Variants in SYCP2 observed in about 807,000 individuals in gnomAD.
The protein encoded by SYCP2 is synaptonemal complex lateral element protein.
Under a neutral mutation model 211.3 loss-of-function variants are expected in SYCP2, and 55 were observed. That is an observed-to-expected ratio of 0.26 (90% CI 0.21 to 0.33). The LOEUF (loss-of-function observed/expected upper bound fraction) is 0.33, where lower values mean the gene tolerates loss of function less well. Among genes scored for constraint, SYCP2 ranks in the 10% least tolerant of loss-of-function variants. The pLI, the probability that SYCP2 is intolerant of heterozygous loss-of-function variation, is 1.00. For synonymous variants in SYCP2, 570 were observed against 555.2 expected (o/e 1.03, Z -0.37); for missense variants, 1,731 against 1,752.0 (o/e 0.99, Z 0.21).
At chr20:59,883,198 A>T (rs1395831984) in intron 26 of SYCP2, among the ~76,000 whole-genome samples, 1 of 151,988 alleles carries the variant, frequency 6.6e-6, no homozygotes, top group Non-Finnish European at 1.5e-5. Context: ...AAAATACAAA[A>T]ATTAGCTGAG....
At chr20:59,865,751 TATTA>T (rs1350835005) in intron 42 of SYCP2, 52 bp downstream of exon 42, 7 of 1,043,256 alleles carry the variant, frequency 6.7e-6, no homozygotes, top group African/African-American at 1.7e-5. Flanking sequence ...AATAGAAATT[TATTA>T]ATTTAAAAAT....
At chr20:59,927,131 A>G (rs914309805) in intron 2 of SYCP2, among the ~76,000 whole-genome samples, 1 of 152,164 alleles carries the variant, frequency 6.6e-6, no homozygotes, top group Non-Finnish European at 1.5e-5. Flanking sequence ...GAACGTAATG[A>G]GATTTGTTGA....
At chr20:59,869,189 T>C (rs887627316) in intron 36 of SYCP2, among the ~76,000 whole-genome samples, 6 of 151,746 alleles carry the variant, frequency 4.0e-5, no homozygotes, top group Non-Finnish European at 8.9e-5. Context: ...GATTTCCATT[T>C]CTTTGAGTCA....
intron 14 of SYCP2, among the ~76,000 whole-genome samples, 172 bp from the exon 15 acceptor site, chr20:59,907,596 A>G (rs1404618497): frequency 6.6e-6 from 1 of 152,214 alleles, no homozygotes; most frequent in Non-Finnish European, 1.5e-5. Context: ...TACACATGTT[A>G]TATTTAATGT....
chr20:59,915,548 A>T lies in SYCP2; in HGVS notation c.516T>A (p.Ile172=), dbSNP rs112594027. Residue 172 remains isoleucine (I), a splice_region_variant and synonymous_variant, in exon 9 of 45, where the codon ATT becomes ATA. Transcript: ENST00000357552. ...CAAGCATAGCATTCATTTTTTTTAT[A>T]ATCTAGAAAAGAAAAAAAGATAATG... ...SRVNICIQQE[I]IKKMNAMLDK... 145 of 1,589,184 alleles carry T rather than the reference A, an allele frequency of 9.1e-5. 1 individual carries two copies. The African/African-American group carries it at 1.8e-3, about 19-fold the overall frequency.
At chr20:59,893,354 C>T (rs1267475053) in intron 21 of SYCP2, among the ~76,000 whole-genome samples, 155 bp from the exon 22 acceptor site, 1 of 151,784 alleles carries the variant, frequency 6.6e-6, no homozygotes, top group Non-Finnish European at 1.5e-5. Context: ...TTCTGGGGAA[C>T]AAAGGTGGTA....
chr20:59,866,621 C>G, intron 39 of SYCP2, 32 bp from the exon 40 acceptor site: 1 of 1,462,658 alleles, frequency 6.8e-7, no homozygotes, highest in Non-Finnish European at 9.4e-7. Flanking sequence ...GTTAAAATAT[C>G]TTTACAAAAT....
chr20:59,864,817 A>G (rs1200296771), intron 44 of SYCP2, among the ~76,000 whole-genome samples: 5 of 152,046 alleles, frequency 3.3e-5, no homozygotes, highest in African/African-American at 1.2e-4. Context: ...CTGTGTATAC[A>G]AAGATCAGTG....
At chr20:59,925,386 C>T (rs1021122443) in intron 2 of SYCP2, among the ~76,000 whole-genome samples, 12 of 151,998 alleles carry the variant, frequency 7.9e-5, no homozygotes. Context: ...TTTTCTCAAT[C>T]CATGAGCATA....
Position 59,870,096 on chromosome 20 carries a change from A to C in SYCP2, c.3556-113T>G, listed in dbSNP as rs112388865. 1,350 of 610,626 alleles carry C rather than the reference A, an allele frequency of 2.2e-3. 16 individuals carry two copies. The highest frequency in any genetic ancestry group is 0.022 in the African/African-American group (1,166 of 53,582). The allele number at this position is 610,626 out of a possible 1,614,324, so 37.8% of individuals were successfully genotyped here. A position where few individuals can be genotyped will look rare whatever the true frequency, so the allele number is the denominator to read the frequency against. ...ATTAAAGCAAAACTGCAAAACTACTAATTCACTGCAAAAATTCAATTCCAA... is the reference window on the plus strand; with the variant it reads ...ATTAAAGCAAAACTGCAAAACTACTCATTCACTGCAAAAATTCAATTCCAA... On this transcript the variant is annotated intron_variant, in intron 35 of 44. Transcript: ENST00000357552.
chr20:59,887,477 T>C lies in SYCP2; in HGVS notation c.2365-643A>G, dbSNP rs571442848. On this transcript the variant is annotated intron_variant, in intron 24 of 44. Transcript: ENST00000357552. Reference sequence around the variant, plus strand: ...GAACATACGTGTGCATGTGTCTTTATAGCAGCATTATTTATAATCCTTTGG... The same window carrying C: ...GAACATACGTGTGCATGTGTCTTTACAGCAGCATTATTTATAATCCTTTGG... Among the ~76,000 whole-genome samples, 4 of 152,310 alleles carry C rather than the reference T, an allele frequency of 2.6e-5. No homozygotes were observed. In the South Asian group the frequency reaches 8.3e-4, roughly 32 times the overall value.
In SYCP2 at chr20:59,868,875, T is replaced by G. The variant is rs565623864; in HGVS notation, c.3792A>C (p.Lys1264Asn). The G allele has an allele frequency of 3.4e-5, 54 of 1,610,244 alleles. No homozygotes were observed. The Middle Eastern group carries it at 4.3e-3, about 128-fold the overall frequency. ...CATCACAGGGCATGTCAAACCACGT[T>G]TTCTCTCTTCCTTCACTAGACTTGG... is the stretch of plus-strand genomic sequence containing the variant. ...SLSKSSEGRE[K>N]TWFDMPCDAT... Residue 1264 changes from lysine (K) to asparagine (N), a missense_variant, in exon 37 of 45, where the codon AAA becomes AAC. Physicochemically the swap from Lys to Asn is moderately conservative, Grantham distance 94. Coordinates refer to ENST00000357552, the MANE Select transcript of SYCP2 (RefSeq NM_014258.4).
intron 29 of SYCP2, 82 bp from the exon 30 acceptor site, chr20:59,881,105 G>C (rs916904383): frequency 2.6e-6 from 2 of 766,292 alleles, no homozygotes; most frequent in Admixed American, 3.2e-5. Context: ...AATTAGACCT[G>C]AGTTTTCAGT....
intron 15 of SYCP2, among the ~76,000 whole-genome samples, chr20:59,902,149 C>T (rs1762256598): frequency 1.3e-5 from 2 of 151,952 alleles, no homozygotes; most frequent in Admixed American, 1.3e-4. Flanking sequence ...AAAAGGCAAA[C>T]AAAAACAATA....
chr20:59,904,353 C>T (rs1400679149), intron 15 of SYCP2, among the ~76,000 whole-genome samples: 1 of 152,092 alleles, frequency 6.6e-6, no homozygotes, highest in African/African-American at 2.4e-5. Context: ...AGAGGCAGAA[C>T]TGTATCTTCC....
In SYCP2 at chr20:59,916,512, T is replaced by C. The variant is rs1482581583; in HGVS notation, c.487A>G (p.Arg163Gly). 3 of 1,609,912 alleles carry C rather than the reference T, an allele frequency of 1.9e-6. No homozygotes were observed. The highest frequency in any genetic ancestry group is 2.6e-6 in the Non-Finnish European group (3 of 1,176,348). ...TCTTGCTGAATACAAATATTCACTCTTGAGTCAATAACCAGGGAACAAATG... is the reference window on the plus strand; with the variant it reads ...TCTTGCTGAATACAAATATTCACTCCTGAGTCAATAACCAGGGAACAAATG... ...PRICSLVIDS[R>G]VNICIQQEII... is the part of the protein sequence containing the mutation. Residue 163 changes from arginine (R) to glycine (G), a missense_variant, in exon 8 of 45, where the codon AGA becomes GGA. Transcript: ENST00000357552.
chr20:59,923,521 A>G (rs1332904020), intron 2 of SYCP2, among the ~76,000 whole-genome samples: 2 of 151,764 alleles, frequency 1.3e-5, no homozygotes, highest in Non-Finnish European at 2.9e-5. Flanking sequence ...GTATGTTACA[A>G]AACTCCATGT....
intron 15 of SYCP2, among the ~76,000 whole-genome samples, chr20:59,903,542 A>AGACTTGGAGAATGTGTGTGGAG (rs1274620263): frequency 1.3e-5 from 2 of 152,118 alleles, no homozygotes; most frequent in African/African-American, 4.8e-5. Context: ...GATGGAGCAA[A>AGACTTGGAGAATGTGTGTGGAG]GACTTGGAGA....
At position 59,900,415 on chromosome 20, in the gene SYCP2, TA is replaced by T. The variant is rs1025383364; in HGVS notation, c.1258-132del. 25 of 861,932 alleles carry T rather than the reference TA, an allele frequency of 2.9e-5. No individual in the cohort carries two copies. In the African/African-American group the frequency reaches 3.8e-4, roughly 13 times the overall value. 53.4% of individuals were successfully genotyped at this position (861,932 alleles called of 1,614,324 possible). A position where few individuals can be genotyped will look rare whatever the true frequency, so the allele number is the denominator to read the frequency against. The stretch of plus-strand genomic sequence containing the variant: ...TTTCCCTTTTCTATCCATGTGCTGT[TA>T]TAATTTTTACAAAGTGATCCAATAA... On this transcript the variant is annotated intron_variant, in intron 17 of 44. Coordinates refer to ENST00000357552, the MANE Select transcript of SYCP2 (RefSeq NM_014258.4).
Sources: gnomAD v4.1 joint callset for allele counts (sites outside exome capture counted in the v4.1 genomes callset) on GRCh38, gnomAD v4.1.1 for gene constraint, MANE v1.5 for transcripts, NCBI Gene and HGNC (gene_info 2026-07-23, HGNC 2026-07-21) for gene names.